The following NRXN3 variants were observed in gnomAD, a reference collection of about 807,000 sequenced individuals.
NRXN3 encodes neurexin 3.
Under a neutral mutation model 137.6 loss-of-function variants are expected in NRXN3, and 32 were observed. The observed-to-expected ratio is 0.23, with a 90% CI of 0.18 to 0.31. NRXN3 has a LOEUF of 0.31. Ranked by LOEUF, NRXN3 falls within the 10% of genes least tolerant of loss-of-function variation. NRXN3 has a pLI of 1.00. For missense variants in NRXN3, 1,574 were observed against 2,062.5 expected, an observed-to-expected ratio of 0.76 and a Z score of 4.59; for synonymous variants, 798 against 784.5, an observed-to-expected ratio of 1.02 and a Z score of -0.29.
intron 15 of NRXN3, among the ~76,000 whole-genome samples, chr14:79,148,994 C>CT (rs986453110): frequency 2.0e-5 from 3 of 152,262 alleles, no homozygotes; most frequent in Non-Finnish European, 4.4e-5. Flanking sequence ...ATCCTAACAT[C>CT]TTTTTTTCCA....
At chr14:78,241,163 A>G (rs1267298262) in intron 1 of NRXN3, among the ~76,000 whole-genome samples, 1 of 152,146 alleles carries the variant, frequency 6.6e-6, no homozygotes, top group Non-Finnish European at 1.5e-5. Flanking sequence ...GTTGTCATCC[A>G]TTCTGCAGTT....
At chr14:78,939,066 C>T (rs1037641484) in intron 10 of NRXN3, among the ~76,000 whole-genome samples, 37 of 151,886 alleles carry the variant, frequency 2.4e-4, no homozygotes, top group African/African-American at 6.8e-4. Flanking sequence ...AGGATGGTCT[C>T]GATCTCCTGA....
intron 16 of NRXN3, among the ~76,000 whole-genome samples, chr14:79,514,730 A>G (rs2096965766): frequency 6.6e-6 from 1 of 152,216 alleles, no homozygotes; most frequent in African/African-American, 2.4e-5. Flanking sequence ...TCACCTGGTC[A>G]GATGGCTATA....
At chr14:79,333,000 T>C (rs2153332348) in intron 15 of NRXN3, among the ~76,000 whole-genome samples, 1 of 152,216 alleles carries the variant, frequency 6.6e-6, no homozygotes, top group Non-Finnish European at 1.5e-5. Flanking sequence ...TTCTCTCATC[T>C]CCATCCTACT....
chr14:78,198,228 G>C (rs1011550398), intron 1 of NRXN3, among the ~76,000 whole-genome samples: 1 of 152,188 alleles, frequency 6.6e-6, no homozygotes, highest in East Asian at 1.9e-4. Context: ...GCTGCTCTTC[G>C]CATCATTCCG....
intron 16 of NRXN3, among the ~76,000 whole-genome samples, chr14:79,478,179 ATAT>A (rs1009360620): frequency 2.0e-5 from 3 of 147,854 alleles, no homozygotes; most frequent in Non-Finnish European, 3.0e-5. Context: ...ATTTAAATAT[ATAT>A]TATTTTATAT....
Position 78,444,775 on chromosome 14 carries a change from C to T in NRXN3, c.757+146915C>T, listed in dbSNP as rs555567672. ...TCTCTACTAAAAATACAAAATGAGC[C>T]GGGCCTCATGGTGGATACCTGTAAT... On this transcript the variant is annotated intron_variant, in intron 4 of 20. Coordinates refer to ENST00000335750, the MANE Select transcript of NRXN3 (RefSeq NM_001330195.2). 1.1e-4 allele frequency among the ~76,000 whole-genome samples: 16 copies of T among 151,704 alleles called. No homozygotes were observed. In the East Asian group the frequency reaches 1.6e-3, roughly 15 times the overall value.
intron 15 of NRXN3, among the ~76,000 whole-genome samples, chr14:79,018,178 T>G (rs1004654989): frequency 2.1e-5 from 3 of 146,166 alleles, no homozygotes; most frequent in Non-Finnish European, 4.4e-5. Context: ...AACAGTTGCT[T>G]GAACCTGGGA....
At chr14:79,231,513 G>T (rs1226650865) in intron 15 of NRXN3, among the ~76,000 whole-genome samples, 1 of 152,118 alleles carries the variant, frequency 6.6e-6, no homozygotes, top group African/African-American at 2.4e-5. Context: ...GTTTCAGTAG[G>T]ATAATTTGGT....
intron 15 of NRXN3, among the ~76,000 whole-genome samples, chr14:79,223,550 A>T (rs2070211764): frequency 6.6e-6 from 1 of 151,680 alleles, no homozygotes; most frequent in Non-Finnish European, 1.5e-5. Flanking sequence ...TTTTAATGGG[A>T]ATGTCATGTT....
chr14:79,418,608 G>T (rs1372867334), intron 15 of NRXN3, among the ~76,000 whole-genome samples: 1 of 152,134 alleles, frequency 6.6e-6, no homozygotes, highest in Admixed American at 6.6e-5. Context: ...ATCAACACCT[G>T]CCCTTGAGCA....
intron 4 of NRXN3, among the ~76,000 whole-genome samples, chr14:78,379,681 C>T (rs544624935): frequency 6.6e-6 from 1 of 152,196 alleles, no homozygotes; most frequent in South Asian, 2.1e-4. Context: ...TGCTTTTGCA[C>T]TAAGATCATA....
At chr14:79,367,431 G>A (rs1051474591) in intron 15 of NRXN3, among the ~76,000 whole-genome samples, 7 of 152,128 alleles carry the variant, frequency 4.6e-5, no homozygotes, top group African/African-American at 1.7e-4. Flanking sequence ...AGTTTTGTCT[G>A]TTCATTTACA....
chr14:78,306,762 A>G (rs1424915783), intron 4 of NRXN3, among the ~76,000 whole-genome samples: 2 of 152,140 alleles, frequency 1.3e-5, no homozygotes, highest in East Asian at 1.9e-4. Flanking sequence ...CTCTGCTTCA[A>G]TATTAGAAAA....
intron 16 of NRXN3, among the ~76,000 whole-genome samples, chr14:79,623,849 GTTTTTTTT>G (rs571687023): frequency 1.0e-5 from 1 of 98,026 alleles, no homozygotes; most frequent in South Asian, 3.7e-4. Flanking sequence ...CTTAGCTCCT[GTTTTTTTT>G]TTTTTTTTTT....
chr14:79,795,682 T>G (rs911738035), intron 19 of NRXN3, among the ~76,000 whole-genome samples: 1 of 152,252 alleles, frequency 6.6e-6, no homozygotes, highest in Non-Finnish European at 1.5e-5. Context: ...TGTCTCTGAC[T>G]TTTCTAACAT....
intron 19 of NRXN3, among the ~76,000 whole-genome samples, chr14:79,790,653 C>A (rs1206962264): frequency 7.4e-6 from 1 of 134,620 alleles, no homozygotes; most frequent in Non-Finnish European, 1.5e-5. Context: ...CAGAGTCTCG[C>A]TCTGTCACCT....
rs1180025934 is a variant in NRXN3 at position 79,864,918 on chromosome 14, A to AT, written c.*2960dup. ...AGGTGCCCGCCACCACGCCCGGCTA[A>AT]TTTTTTGTATTTTTCGTAGAGACGG... On this transcript the variant is annotated 3_prime_UTR_variant, in exon 21 of 21. Transcript: ENST00000335750. The AT allele has an allele frequency of 6.6e-6, 1 of 151,600 alleles. No homozygotes were observed. The highest frequency in any genetic ancestry group is 2.4e-5 in the African/African-American group (1 of 41,198). The allele number at this position is 151,600 out of a possible 1,614,324, so 9.4% of individuals were successfully genotyped here.
At chr14:78,613,331 CAT>C (rs1485100169) in intron 4 of NRXN3, among the ~76,000 whole-genome samples, 1 of 152,162 alleles carries the variant, frequency 6.6e-6, no homozygotes, top group African/African-American at 2.4e-5. Flanking sequence ...AGGATTGAGA[CAT>C]ATTTTTACAT....
Sources: gnomAD v4.1 joint callset for allele counts (sites outside exome capture counted in the v4.1 genomes callset) on GRCh38, gnomAD v4.1.1 for gene constraint, MANE v1.5 for transcripts, NCBI Gene and HGNC (gene_info 2026-07-23, HGNC 2026-07-21) for gene names.